ZNF550: variants seen among roughly 807,000 people sequenced by gnomAD.
ZNF550 encodes the protein zinc finger protein 550.
Under a neutral mutation model 40.2 loss-of-function variants are expected in ZNF550, and 42 were observed. That is an observed-to-expected ratio of 1.05 (90% CI 0.82 to 1.35). The LOEUF (loss-of-function observed/expected upper bound fraction) is 1.35, where lower values mean the gene tolerates loss of function less well. Ranked by LOEUF, ZNF550 falls within the 40% of genes most tolerant of loss-of-function variation. The pLI, the probability that ZNF550 is intolerant of heterozygous loss-of-function variation, is 0.00. For synonymous variants in ZNF550, 223 were observed against 198.6 expected (o/e 1.12, Z -1.03); for missense variants, 549 against 525.2 (o/e 1.05, Z -0.44).
At chr19:57,541,911 T>A (rs1016811452) in exon 5 of ZNF550, 2 of 152,152 alleles carry the variant, frequency 1.3e-5, no homozygotes, top group African/African-American at 4.8e-5. Flanking sequence ...CAAAGTTAGA[T>A]ACCAACAAGA....
exon 2 of ZNF550, chr19:57,556,268 C>T: frequency 6.8e-6 from 11 of 1,614,190 alleles, no homozygotes; most frequent in Non-Finnish European, 9.3e-6. Context: ...CCAGCATCAC[C>T]TCTCGGTACA....
chr19:57,559,516 A>T (rs1196276545), intron 1 of ZNF550, 140 bp downstream of exon 1: 1 of 795,220 alleles, frequency 1.3e-6, no homozygotes, highest in Non-Finnish European at 1.7e-6. Flanking sequence ...CGGACCCGGG[A>T]CCGCGCGACC....
At chr19:57,547,026 C>G (rs1568596320) in exon 4 of ZNF550, 1 of 1,613,614 alleles carries the variant, frequency 6.2e-7, no homozygotes, top group South Asian at 1.1e-5. Flanking sequence ...GTTTGAAGGC[C>G]TTCCCACACT....
chr19:57,543,570 C>T (rs1464745445), intron 4 of ZNF550: 2 of 974,892 alleles, frequency 2.1e-6, no homozygotes. Flanking sequence ...GATTAAGCAG[C>T]ATAAGAGCAT....
intron 3 of ZNF550, 83 bp from the exon 4 acceptor site, chr19:57,548,076 T>C: frequency 7.6e-7 from 1 of 1,309,794 alleles, no homozygotes; most frequent in Non-Finnish European, 1.1e-6. Context: ...AGTAGGAAAA[T>C]GAAGATGAAA....
chr19:57,546,777 C>T (rs1317795885), exon 4 of ZNF550: 1 of 1,368,056 alleles, frequency 7.3e-7, no homozygotes, highest in Non-Finnish European at 9.4e-7. Flanking sequence ...GGGATCCTTA[C>T]ATTCACTGTA....
intron 3 of ZNF550, among the ~76,000 whole-genome samples, chr19:57,550,500 C>T (rs2090063196): frequency 6.6e-6 from 1 of 152,160 alleles, no homozygotes; most frequent in South Asian, 2.1e-4. Context: ...ATAGGATAAA[C>T]CCAGCTCATG....
Position 57,547,776 on chromosome 19 carries a change from G to C in ZNF550, c.468C>G (p.Ser156Arg), listed in dbSNP as rs749320889. 16 of 1,613,868 alleles carry C rather than the reference G, an allele frequency of 9.9e-6. No homozygotes were observed. The Admixed American group carries it at 1.8e-4, about 19-fold the overall frequency. Residue 156 changes from serine to arginine, a missense_variant, in exon 4 of 5, where the codon AGC (serine) becomes AGG (arginine). Coordinates refer to ENST00000457177, the Ensembl canonical transcript of ZNF550. ...CTGTCCCCAAACCTTCACCTTCAAG[G>C]CTCACTTTCCCAAGATGGGTCTCCT...
intron 4 of ZNF550, chr19:57,543,589 T>G: frequency 1.0e-6 from 1 of 984,336 alleles, no homozygotes; most frequent in Non-Finnish European, 1.2e-6. Flanking sequence ...ATAGTGCTTT[T>G]TATCTAATTT....
upstream of ZNF550, among the ~76,000 whole-genome samples, chr19:57,560,310 G>C (rs1369124165): frequency 1.3e-5 from 2 of 152,156 alleles, no homozygotes; most frequent in Non-Finnish European, 2.9e-5. Flanking sequence ...AGCCATTCCC[G>C]GGACATGCTC....
exon 4 of ZNF550, chr19:57,547,047 G>A (rs780662580): frequency 6.2e-7 from 1 of 1,613,858 alleles, no homozygotes; most frequent in African/African-American, 1.3e-5. Context: ...CGATACACTT[G>A]TAGGGCATCT....
At position 57,551,881 on chromosome 19, in the gene ZNF550, C is replaced by CA. The variant is rs2090075612; in HGVS notation, c.250+745dup. On this transcript the variant is annotated intron_variant, in intron 3 of 4. Coordinates refer to ENST00000457177, the Ensembl canonical transcript of ZNF550. ...GCAAGAGGGGCAGGAAGATATGGAG[C>CA]AAAGGGCTGCTTCCGAGTCTCTGAT... Among the ~76,000 whole-genome samples, 4 of 152,296 alleles carry CA rather than the reference C, an allele frequency of 2.6e-5. No homozygotes were observed. The South Asian group carries it at 8.3e-4, about 32-fold the overall frequency.
At chr19:57,556,079 G>A (rs755949507) in intron 2 of ZNF550, 152 bp downstream of exon 2, 30 of 996,870 alleles carry the variant, frequency 3.0e-5, no homozygotes, top group Middle Eastern at 2.3e-4. Context: ...TTTCTACCCC[G>A]ACAATCTCTG....
chr19:57,545,123 AAACAC>A (rs890123200), intron 4 of ZNF550, among the ~76,000 whole-genome samples: 5 of 152,220 alleles, frequency 3.3e-5, no homozygotes, highest in African/African-American at 1.2e-4. Context: ...CTCCATCTCA[AAACAC>A]AACAAAACTA....
At chr19:57,559,095 C>T (rs2090146981) in intron 1 of ZNF550, among the ~76,000 whole-genome samples, 1 of 152,128 alleles carries the variant, frequency 6.6e-6, no homozygotes. Context: ...AGACAGGAGG[C>T]CAAGGAGGCC....
At chr19:57,559,433 G>T (rs917694614) in intron 1 of ZNF550, among the ~76,000 whole-genome samples, 1 of 152,148 alleles carries the variant, frequency 6.6e-6, no homozygotes, top group Non-Finnish European at 1.5e-5. Context: ...GACCCTAAAA[G>T]CCCTATTTCA....
upstream of ZNF550, among the ~76,000 whole-genome samples, chr19:57,561,170 A>ATT (rs756491554): frequency 4.6e-5 from 7 of 151,796 alleles, no homozygotes; most frequent in Admixed American, 2.6e-4. The surrounding 1 kb of genome is among the most constrained non-coding windows in gnomAD (Gnocchi z 4.9). Context: ...TGTTGTTCGA[A>ATT]TTTTTCCATC....
At chr19:57,544,000 C>A in intron 4 of ZNF550, 1 of 985,422 alleles carries the variant, frequency 1.0e-6, no homozygotes. Flanking sequence ...TACAGAAGTT[C>A]ACAACTTTTA....
exon 4 of ZNF550, chr19:57,547,683 T>A (rs768950048): frequency 1.2e-6 from 2 of 1,614,230 alleles, no homozygotes; most frequent in Non-Finnish European, 1.7e-6. Flanking sequence ...CTGGTTGCTG[T>A]GAGTCACATT....
Sources: gnomAD v4.1 joint callset for allele counts (sites outside exome capture counted in the v4.1 genomes callset) on GRCh38, gnomAD v4.1.1 for gene constraint, Gnocchi (gnomAD v3.1) non-coding constraint, MANE v1.5 for transcripts, NCBI Gene and HGNC (gene_info 2026-07-23, HGNC 2026-07-21) for gene names.